Variants in RARB observed in about 807,000 individuals in gnomAD.
RARB encodes the protein retinoic acid receptor beta.
Under a neutral mutation model 51.9 loss-of-function variants are expected in RARB, and 17 were observed. The observed-to-expected ratio is 0.33, with a 90% CI of 0.22 to 0.49. The LOEUF is 0.49. Ranked by LOEUF, RARB falls within the 20% of genes least tolerant of loss-of-function variation. The pLI is 0.99. For synonymous variants in RARB, 215 were observed against 195.4 expected (o/e 1.10, Z -0.84); for missense variants, 369 against 550.8 (o/e 0.67, Z 3.30).
intron 4 of RARB, among the ~76,000 whole-genome samples, chr3:25,156,996 C>A (rs923574440): frequency 3.3e-5 from 5 of 152,162 alleles, no homozygotes; most frequent in South Asian, 2.1e-4. Flanking sequence ...GAAATAATGA[C>A]CACGTTCATA....
At chr3:25,485,295 G>C (rs1436288991) in intron 2 of RARB, among the ~76,000 whole-genome samples, 1 of 152,070 alleles carries the variant, frequency 6.6e-6, no homozygotes, top group Non-Finnish European at 1.5e-5. Context: ...GGTCAACTTG[G>C]GGCACTCATT....
At chr3:25,127,252 C>T (rs1235582031) in intron 3 of RARB, among the ~76,000 whole-genome samples, 3 of 152,138 alleles carry the variant, frequency 2.0e-5, no homozygotes, top group East Asian at 1.9e-4. Flanking sequence ...CCTGATCTGG[C>T]CCTGCAAACC....
chr3:25,005,760 C>T (rs1396682545), intron 2 of RARB, among the ~76,000 whole-genome samples: 7 of 152,080 alleles, frequency 4.6e-5, no homozygotes, highest in African/African-American at 1.7e-4. Flanking sequence ...TACTACGCTC[C>T]TCCTGGTCTT....
chr3:24,843,710 G>A (rs1425262406), intron 1 of RARB, among the ~76,000 whole-genome samples: 2 of 152,068 alleles, frequency 1.3e-5, no homozygotes, highest in Non-Finnish European at 2.9e-5. Flanking sequence ...TGCAGAACTA[G>A]GGCTCAACCC....
intron 3 of RARB, among the ~76,000 whole-genome samples, chr3:25,090,305 A>G (rs1186057041): frequency 6.6e-6 from 1 of 152,126 alleles, no homozygotes; most frequent in African/African-American, 2.4e-5. Context: ...AATATTGTCT[A>G]TTCTTAAGCC....
chr3:25,183,206 A>G (rs935095374), intron 5 of RARB, among the ~76,000 whole-genome samples: 9 of 152,128 alleles, frequency 5.9e-5, no homozygotes, highest in African/African-American at 2.2e-4. Context: ...TTGTCCTTAT[A>G]ATGACTTTCT....
At chr3:24,934,314 C>T (rs1575079029) in intron 2 of RARB, among the ~76,000 whole-genome samples, 1 of 152,068 alleles carries the variant, frequency 6.6e-6, no homozygotes, top group Non-Finnish European at 1.5e-5. Flanking sequence ...GAAGAGTTAC[C>T]GGCACATCTC....
chr3:25,479,590 A>G (rs933311848), intron 2 of RARB, among the ~76,000 whole-genome samples: 1 of 152,202 alleles, frequency 6.6e-6, no homozygotes, highest in Non-Finnish European at 1.5e-5. Context: ...TTTTAAGGAG[A>G]TCTAAAGAAT....
chr3:25,269,963 C>T (rs1703215918), intron 5 of RARB, among the ~76,000 whole-genome samples: 1 of 152,096 alleles, frequency 6.6e-6, no homozygotes, highest in Non-Finnish European at 1.5e-5. Flanking sequence ...TGAGATACCA[C>T]CGCGTACCAT....
chr3:24,942,978 C>G (rs1260649589), intron 2 of RARB, among the ~76,000 whole-genome samples: 1 of 152,074 alleles, frequency 6.6e-6, no homozygotes, highest in Non-Finnish European at 1.5e-5. Context: ...TTGGAAACGT[C>G]AATATTTGTA....
chr3:24,930,261 G>A (rs1291409935), intron 2 of RARB, among the ~76,000 whole-genome samples: 1 of 152,054 alleles, frequency 6.6e-6, no homozygotes, highest in African/African-American at 2.4e-5. Context: ...CTGCTTTTCA[G>A]GAGTCTTATT....
At chr3:25,341,926 A>G (rs879805571) in intron 5 of RARB, among the ~76,000 whole-genome samples, 10 of 152,188 alleles carry the variant, frequency 6.6e-5, no homozygotes, top group Non-Finnish European at 1.0e-4. Flanking sequence ...CTTTCCCTAC[A>G]TAGCATGTAT....
At chr3:25,117,899 A>G (rs1699717998) in intron 3 of RARB, among the ~76,000 whole-genome samples, 3 of 152,210 alleles carry the variant, frequency 2.0e-5, no homozygotes, top group African/African-American at 2.4e-5. Flanking sequence ...TAATCAATAA[A>G]CAGATGAAGG....
intron 5 of RARB, among the ~76,000 whole-genome samples, chr3:25,592,674 A>G (rs1701657244): frequency 2.0e-5 from 3 of 152,200 alleles, no homozygotes; most frequent in Admixed American, 2.0e-4. Context: ...CAACAGGGTT[A>G]TGTGTCAAGC....
Position 24,905,973 on chromosome 3 carries a change from T to C in RARB, c.-380+47221T>C, listed in dbSNP as rs183858741. On this transcript the variant is annotated intron_variant, in intron 2 of 11. Transcript: ENST00000383772. ...AGACAAGACAGTGAACTCTTTGATA[T>C]TGACTTTTTCTAGTCTGTTATGCAC... 7.5e-3 allele frequency among the ~76,000 whole-genome samples: 1,139 copies of C among 152,344 alleles called. 11 individuals are homozygous for C. Among genetic ancestry groups the C allele is most frequent in the Middle Eastern group, 0.037 (11 of 294 alleles).
At chr3:25,514,501 C>A (rs1459611329) in intron 3 of RARB, among the ~76,000 whole-genome samples, 3 of 151,556 alleles carry the variant, frequency 2.0e-5, no homozygotes, top group Non-Finnish European at 4.4e-5. Flanking sequence ...TAAAATACCT[C>A]CATGATTAAA....
chr3:24,909,947 AT>A (rs1404252584), intron 2 of RARB, among the ~76,000 whole-genome samples: 11 of 152,042 alleles, frequency 7.2e-5, no homozygotes, highest in African/African-American at 1.9e-4. Flanking sequence ...ATTTCTATAT[AT>A]TTTTTCCCAA....
At chr3:25,513,532 T>C (rs1467820417) in intron 3 of RARB, among the ~76,000 whole-genome samples, 3 of 152,148 alleles carry the variant, frequency 2.0e-5, no homozygotes, top group Admixed American at 1.3e-4. Context: ...TCTCCCACTT[T>C]GCACCATATG....
intron 2 of RARB, among the ~76,000 whole-genome samples, chr3:25,468,380 T>G (rs1381316390): frequency 6.7e-6 from 1 of 148,900 alleles, no homozygotes; most frequent in African/African-American, 2.5e-5. Flanking sequence ...GGCTTTTTTT[T>G]TTTTTTTTTT....
Sources: allele counts gnomAD v4.1 joint callset (sites outside exome capture counted in the v4.1 genomes callset), GRCh38; gene constraint gnomAD v4.1.1; transcripts MANE v1.5; gene names NCBI Gene and HGNC (gene_info 2026-07-23, HGNC 2026-07-21).